Variants in C2CD3 observed in about 807,000 individuals in gnomAD.
C2CD3 encodes the protein C2 domain containing 3 centriole elongation regulator.
A neutral mutation model predicts 234.0 loss-of-function variants in C2CD3; 148 were observed. That is an observed-to-expected ratio of 0.63 (90% CI 0.55 to 0.72). The LOEUF (loss-of-function observed/expected upper bound fraction) is 0.72. Among genes scored for constraint, C2CD3 ranks in the 30% least tolerant of loss-of-function variants. The pLI is 0.00. For missense variants in C2CD3, 2,577 were observed against 2,811.5 expected, an observed-to-expected ratio of 0.92 and a Z score of 1.89; for synonymous variants, 1,000 against 1,035.4, an observed-to-expected ratio of 0.97 and a Z score of 0.66.
intron 5 of C2CD3, among the ~76,000 whole-genome samples, chr11:74,135,369 G>A (rs1353029184): frequency 6.6e-6 from 1 of 151,946 alleles, no homozygotes; most frequent in Admixed American, 6.6e-5. Flanking sequence ...CCAGGGTCAA[G>A]TGATCCTCCC....
In C2CD3 at chr11:74,134,758, G is replaced by C. The variant is rs1169535071; in HGVS notation, c.956-1201C>G. Among the ~76,000 whole-genome samples the C allele has an allele frequency of 1.3e-5, 2 of 152,258 alleles. 1 individual carries two copies. Among genetic ancestry groups the C allele is most frequent in the South Asian group, 4.1e-4 (2 of 4,828 alleles). On this transcript the variant is annotated intron_variant, in intron 5 of 32. Coordinates refer to ENST00000334126, the MANE Select transcript of C2CD3 (RefSeq NM_001286577.2). ...TACATATGTTTAGAGACAGAGTCTTGCTCTGTTGCCCTAGCTGGAATGCAG... is the reference window on the plus strand; with the variant it reads ...TACATATGTTTAGAGACAGAGTCTTCCTCTGTTGCCCTAGCTGGAATGCAG...
chr11:74,036,391 G>A, intron 30 of C2CD3: 1 of 455,426 alleles, frequency 2.2e-6, no homozygotes, highest in Non-Finnish European at 4.4e-6. Context: ...GGCACAGATG[G>A]TGCTCAATAA....
At position 74,040,273 on chromosome 11, in the gene C2CD3, AC is replaced by A. The variant is rs1360902428; in HGVS notation, c.5660+1780del. On this transcript the variant is annotated intron_variant, in intron 29 of 32. Coordinates refer to ENST00000334126, the MANE Select transcript of C2CD3 (RefSeq NM_001286577.2). Reference sequence around the variant, plus strand: ...GGTGGAACAGTTTCATCTGGAAACCACCCCCCACCCCCAACCCCACCCTTGT... The same window carrying A: ...GGTGGAACAGTTTCATCTGGAAACCACCCCCACCCCCAACCCCACCCTTGT... Among the ~76,000 whole-genome samples the A allele has an allele frequency of 2.0e-5, 3 of 151,972 alleles. No individual in the cohort carries two copies. The East Asian group carries it at 5.8e-4, about 29-fold the overall frequency.
At chr11:74,112,534 G>A (rs1364423290) in intron 11 of C2CD3, among the ~76,000 whole-genome samples, 2 of 152,094 alleles carry the variant, frequency 1.3e-5, no homozygotes, top group Non-Finnish European at 2.9e-5. Flanking sequence ...CAGAATGGGA[G>A]AAAATATTTG....
Position 74,057,510 on chromosome 11 carries a change from G to A in C2CD3, c.4986C>T (p.Pro1662=), listed in dbSNP as rs750813735. 3 of 1,613,994 alleles carry A rather than the reference G, an allele frequency of 1.9e-6. No homozygotes were observed. The highest frequency in any genetic ancestry group is 1.6e-4 in the Middle Eastern group (1 of 6,082). Residue 1662 remains proline (P), a synonymous_variant, in exon 25 of 33, where the codon CCC becomes CCT. Coordinates refer to ENST00000334126, the MANE Select transcript of C2CD3 (RefSeq NM_001286577.2). ...SPLTERKVSI[P]SCCVSFATAD... is the part of the protein sequence containing the mutation. The stretch of plus-strand genomic sequence containing the variant: ...CTGTTGCAAAGGATACACAACAACT[G>A]GGTATCGATACTTTCCGCTCTGTCA...
At chr11:74,036,038 T>G (rs1250701395) in intron 30 of C2CD3, 1 of 170,406 alleles carries the variant, frequency 5.9e-6, no homozygotes, top group East Asian at 1.5e-4. Flanking sequence ...TTTTGTGTTT[T>G]TAGTAGAGAT....
intron 15 of C2CD3, among the ~76,000 whole-genome samples, 199 bp downstream of exon 15, chr11:74,100,326 G>A (rs1956265597): frequency 6.6e-6 from 1 of 152,188 alleles, no homozygotes. Flanking sequence ...AAGGTTTTTA[G>A]CATAGTGCCT....
intron 23 of C2CD3, 141 bp from the exon 24 acceptor site, chr11:74,074,741 A>G: frequency 1.5e-6 from 1 of 653,616 alleles, no homozygotes; most frequent in Non-Finnish European, 2.6e-6. Context: ...AAAAGAAACT[A>G]TGAAGCTGGT....
At chr11:74,046,873 T>C (rs72984838) in intron 28 of C2CD3, among the ~76,000 whole-genome samples, 188 of 152,320 alleles carry the variant, frequency 1.2e-3, no homozygotes, top group Non-Finnish European at 2.1e-3. Context: ...TTCTACGCAT[T>C]TCACAAGTAT....
chr11:74,145,393 C>A lies in C2CD3; in HGVS notation c.484-5565G>T, dbSNP rs191547921. On this transcript the variant is annotated intron_variant, in intron 3 of 32. Transcript: ENST00000334126. The stretch of plus-strand genomic sequence containing the variant: ...AAAAGTGTCTGTTCATGTCCTTTGC[C>A]CACTTTTTAATGGGGTTATTTTTTG... 1.4e-4 allele frequency among the ~76,000 whole-genome samples: 22 copies of A among 152,216 alleles called. No homozygotes were observed. The East Asian group carries it at 4.2e-3, about 29-fold the overall frequency.
chr11:74,021,937 C>T (rs1452621821), intron 32 of C2CD3, among the ~76,000 whole-genome samples: 2 of 152,122 alleles, frequency 1.3e-5, no homozygotes, highest in African/African-American at 4.8e-5. Context: ...ACCAGCCTGG[C>T]CAACATGGTG....
intron 31 of C2CD3, 112 bp downstream of exon 31, chr11:74,033,239 G>A (rs894702735): frequency 2.4e-6 from 2 of 822,218 alleles, no homozygotes; most frequent in Admixed American, 2.8e-5. Flanking sequence ...TGAAGGAATG[G>A]TCTTTCCATG....
rs1484868321 is a variant in C2CD3 at position 74,139,651 on chromosome 11, C to T, written c.661G>A (p.Asp221Asn). The change falls in exon 4 of 33, where the codon GAT becomes AAT. Residue 221 changes from aspartate to asparagine, a missense_variant. Asp to Asn is a conservative substitution (Grantham distance 23, BLOSUM62 1). Coordinates refer to ENST00000334126, the MANE Select transcript of C2CD3 (RefSeq NM_001286577.2). ...RPRDIHTIKI[D>N]GKELAANSSR... ...CTGTTGGCTGCTAACTCTTTTCCAT[C>T]AATTTTGATGGTATGTATGTCGCGA... 4 of 1,613,990 alleles carry T rather than the reference C, an allele frequency of 2.5e-6. No individual in the cohort carries two copies. The highest frequency in any genetic ancestry group is 2.5e-6 in the Non-Finnish European group (3 of 1,179,902).
rs141413285 is a variant in C2CD3, at chr11:74,103,500, G to A, written c.2211C>T (p.Asn737=). 1.7e-4 allele frequency: 273 copies of A among 1,614,040 alleles called. No individual in the cohort carries two copies. Among genetic ancestry groups the A allele is most frequent in the Non-Finnish European group, 2.0e-4 (239 of 1,180,030 alleles). Reference sequence around the variant, plus strand: ...GATTTTTGGTACAGGTCATATCTTGGTTAAGTTCTGGTAGTGCCTTATTTG... The same window carrying A: ...GATTTTTGGTACAGGTCATATCTTGATTAAGTTCTGGTAGTGCCTTATTTG... The part of the protein sequence containing the change: ...TSPNKALPEL[N]QDMTCTKNPQ... Residue 737 remains asparagine (N), a synonymous_variant, in exon 14 of 33, where the codon AAC becomes AAT. Coordinates refer to ENST00000334126, the MANE Select transcript of C2CD3 (RefSeq NM_001286577.2).
chr11:74,150,000 C>G (rs1420181942), intron 3 of C2CD3, among the ~76,000 whole-genome samples: 1 of 152,070 alleles, frequency 6.6e-6, no homozygotes, highest in Non-Finnish European at 1.5e-5. Context: ...TGAAGCCACT[C>G]TACTTAATTC....
In C2CD3 at chr11:74,084,973, G is replaced by A. The variant is rs1403787470; in HGVS notation, c.3911-3C>T. The stretch of plus-strand genomic sequence containing the variant: ...CTCAATACTGATTATATCACTTGCT[G>A]TTAAATCAAGCAAAAAAGAAAAATT... On this transcript the variant is annotated splice_polypyrimidine_tract_variant and splice_region_variant and intron_variant, in intron 21 of 32. Coordinates refer to ENST00000334126, the MANE Select transcript of C2CD3 (RefSeq NM_001286577.2). The A allele has an allele frequency of 6.3e-7, 1 of 1,589,986 alleles. No individual in the cohort carries two copies. The highest frequency in any genetic ancestry group is 1.7e-5 in the Admixed American group (1 of 59,770).
Position 74,103,531 on chromosome 11 carries a change from G to A in C2CD3, c.2180C>T (p.Thr727Ile). 1 of 1,614,080 alleles carries A rather than the reference G, an allele frequency of 6.2e-7. No homozygotes were observed. Among genetic ancestry groups the A allele is most frequent in the Non-Finnish European group, 8.5e-7 (1 of 1,179,998 alleles). ...TTCTGGTAGTGCCTTATTTGGACTT[G>A]TAGGAGCACAAAGTGGGGTATAATG... ...NTHYTPLCAP[T>I]SPNKALPELN... The change falls in exon 14 of 33, where the codon ACA (threonine) becomes ATA (isoleucine). Residue 727 changes from threonine to isoleucine, a missense_variant. Physicochemically the swap from Thr to Ile is moderately conservative, Grantham distance 89. Transcript: ENST00000334126.
chr11:74,084,714 A>G (rs975426193), intron 22 of C2CD3, among the ~76,000 whole-genome samples, 167 bp downstream of exon 22: 3 of 152,208 alleles, frequency 2.0e-5, no homozygotes, highest in African/African-American at 4.8e-5. Context: ...AACTAAAAAA[A>G]AAAAAGTTTC....
chr11:74,073,302 G>A (rs1448694389), intron 24 of C2CD3, among the ~76,000 whole-genome samples: 1 of 152,226 alleles, frequency 6.6e-6, no homozygotes, highest in African/African-American at 2.4e-5. Flanking sequence ...AATAACTACT[G>A]TAGGTCTGGC....
Sources: gnomAD v4.1 joint callset for allele counts (sites outside exome capture counted in the v4.1 genomes callset) on GRCh38, gnomAD v4.1.1 for gene constraint, MANE v1.5 for transcripts, NCBI Gene and HGNC (gene_info 2026-07-23, HGNC 2026-07-21) for gene names.